RNF213: variants seen among roughly 807,000 people sequenced by gnomAD.
RNF213 encodes E3 ubiquitin-protein ligase RNF213.
A neutral mutation model predicts 514.4 loss-of-function variants in RNF213; 341 were observed. The ratio of observed to expected loss-of-function variants is 0.66; its 90% CI spans 0.61 to 0.73. The LOEUF is 0.73. RNF213 is among the 30% of genes least tolerant of loss of function. The pLI, the probability that RNF213 is intolerant of heterozygous loss-of-function variation, is 0.00. For missense variants in RNF213, 5,767 were observed against 6,615.6 expected (o/e 0.87, Z 4.45); for synonymous variants, 2,655 against 2,658.2 (o/e 1.00, Z 0.04).
chr17:80,313,974 C>A (rs369335570), intron 15 of RNF213, among the ~76,000 whole-genome samples: 2 of 2,446 alleles, frequency 8.2e-4, no homozygotes, highest in African/African-American at 1.5e-3. Flanking sequence ...GGTGGAGGTA[C>A]TGGAGGTGAT....
chr17:80,392,616 T>C (rs182093874), intron 67 of RNF213, among the ~76,000 whole-genome samples: 4 of 151,966 alleles, frequency 2.6e-5, no homozygotes, highest in Admixed American at 1.3e-4. Flanking sequence ...TTTTTTTTTT[T>C]TCTCGCTCTG....
Position 80,390,177 on chromosome 17 carries a change from C to G in RNF213, c.15451C>G (p.Arg5151Gly), listed in dbSNP as rs749636418. The G allele has an allele frequency of 6.2e-7, 1 of 1,614,012 alleles. No individual in the cohort carries two copies. Among genetic ancestry groups the G allele is most frequent in the South Asian group, 1.1e-5 (1 of 91,072 alleles). Residue 5151 changes from arginine to glycine, a missense_variant, in exon 67 of 68, where the codon CGC becomes GGC. Physicochemically the swap from Arg to Gly is moderately radical, Grantham distance 125. Around this residue, in one of 13 missense-constraint regions of RNF213, gnomAD observed 1,245 missense variants for 1,339.0 expected, o/e 0.93. Transcript: ENST00000582970. ...LKNPQTQTEE[R>G]FRPQWSLRDT... ...GAACCCCCAAACCCAAACCGAGGAG[C>G]GCTTCCGCCCTCAGTGGAGGTATGG...
chr17:80,278,374 G>A (rs1234902766), intron 3 of RNF213, among the ~76,000 whole-genome samples: 1 of 152,222 alleles, frequency 6.6e-6, no homozygotes, highest in African/African-American at 2.4e-5. Flanking sequence ...TATACCTTCT[G>A]GGTCGGTCTC....
chr17:80,358,424 T>C lies in RNF213; in HGVS notation c.10999T>C (p.Phe3667Leu), dbSNP rs1208634145. Reference sequence around the variant, plus strand: ...GCCCTGGGCAAGAGATCTTTGGATGTTTATTTTCAGTGACACGATGCTTCT... The same window carrying C: ...GCCCTGGGCAAGAGATCTTTGGATGCTTATTTTCAGTGACACGATGCTTCT... The part of the protein sequence containing the change: ...TPPWARDLWM[F>L]IFSDTMLLNI... The change falls in exon 37 of 68, where the codon TTT (phenylalanine) becomes CTT (leucine). Residue 3667 changes from phenylalanine to leucine, a missense_variant. By Grantham distance (22) the Phe-to-Leu change is conservative. Around this residue, in one of 13 missense-constraint regions of RNF213, gnomAD observed 919 missense variants for 1,121.0 expected, o/e 0.82. Coordinates refer to ENST00000582970, the MANE Select transcript of RNF213 (RefSeq NM_001256071.3). The C allele has an allele frequency of 1.2e-6, 2 of 1,614,178 alleles. No homozygotes were observed. Among genetic ancestry groups the C allele is most frequent in the Non-Finnish European group, 1.7e-6 (2 of 1,180,000 alleles).
intron 37 of RNF213, among the ~76,000 whole-genome samples, chr17:80,359,071 T>C (rs2144335689): frequency 6.6e-6 from 1 of 152,266 alleles, no homozygotes; most frequent in East Asian, 1.9e-4. Context: ...TCCTTACCCC[T>C]GGGATCTGTG....
chr17:80,265,409 T>G (rs2043581279), intron 2 of RNF213, among the ~76,000 whole-genome samples: 1 of 152,208 alleles, frequency 6.6e-6, no homozygotes, highest in South Asian at 2.1e-4. Context: ...CATGAACTGT[T>G]TCTAGAGGCA....
rs2043542550 is a variant in RNF213 at position 80,264,582 on chromosome 17, A to G, written c.97+804A>G. Among the ~76,000 whole-genome samples the G allele has an allele frequency of 6.6e-6, 1 of 151,982 alleles. No individual in the cohort carries two copies. On this transcript the variant is annotated intron_variant, in intron 2 of 67. Coordinates refer to ENST00000582970, the MANE Select transcript of RNF213 (RefSeq NM_001256071.3). The surrounding 1 kb of genome is among the most constrained non-coding windows in gnomAD (Gnocchi z 5.0). ...ACTGGTGAGGGCACCTCATTCTTCC[A>G]GCTGCTTCTATCGGACCCATCACCC...
intron 8 of RNF213, 114 bp downstream of exon 8, chr17:80,291,941 C>T: frequency 8.8e-7 from 1 of 1,131,434 alleles, no homozygotes; most frequent in Non-Finnish European, 1.3e-6. Flanking sequence ...GTGAGGTCCT[C>T]TTTGCTCTGC....
intron 3 of RNF213, among the ~76,000 whole-genome samples, chr17:80,280,457 GT>G (rs1410993092): frequency 1.3e-5 from 2 of 152,124 alleles, no homozygotes; most frequent in African/African-American, 4.8e-5. Context: ...GGTGGGTTTT[GT>G]TTTTGTTTGT....
intron 41 of RNF213, 83 bp from the exon 42 acceptor site, chr17:80,364,350 T>G: frequency 6.2e-7 from 1 of 1,603,320 alleles, no homozygotes; most frequent in Non-Finnish European, 8.5e-7. Flanking sequence ...CCCGCATCTC[T>G]TCTCCCGTCT....
At chr17:80,307,559 G>C (rs1463334102) in intron 13 of RNF213, among the ~76,000 whole-genome samples, 1 of 123,202 alleles carries the variant, frequency 8.1e-6, no homozygotes, top group East Asian at 2.3e-4. Flanking sequence ...TTGTTTGTTT[G>C]TTTTTTTGAG....
chr17:80,363,747 C>G lies in RNF213; in HGVS notation c.11707C>G (p.Gln3903Glu), dbSNP rs774855345. ...GCTCATCTGCTCCGATGAGCACATG[C>G]AAGGCAGCGGGAGCCTGGCCCAGGC... ...LELICSDEHM[Q>E]GSGSLAQAVI... is the part of the protein sequence containing the mutation. Residue 3903 changes from glutamine (Q) to glutamate (E), a missense_variant, in exon 41 of 68, where the codon CAA becomes GAA. Gln to Glu is a conservative substitution (Grantham distance 29). Coordinates refer to ENST00000582970, the MANE Select transcript of RNF213 (RefSeq NM_001256071.3). The G allele has an allele frequency of 1.5e-5, 24 of 1,613,828 alleles. No individual in the cohort carries two copies. The highest frequency in any genetic ancestry group is 1.9e-5 in the Non-Finnish European group (23 of 1,180,008).
Position 80,367,841 on chromosome 17 carries a change from C to G in RNF213, c.11965C>G (p.Leu3989Val). Residue 3989 changes from leucine to valine, a missense_variant, in exon 43 of 68, where the codon CTC becomes GTC. Around this residue, in one of 13 missense-constraint regions of RNF213, gnomAD observed 355 missense variants for 358.0 expected, o/e 0.99. Transcript: ENST00000582970. ...ATGCAAGGAGACAGCCAGCAAGACCCTCAGCAGGTGAGACCTTAGGTTTGG... is the reference window on the plus strand; with the variant it reads ...ATGCAAGGAGACAGCCAGCAAGACCGTCAGCAGGTGAGACCTTAGGTTTGG... ...CECKETASKT[L>V]SRFGIQPCSI... is the part of the protein sequence containing the mutation. 1 of 1,614,238 alleles carries G rather than the reference C, an allele frequency of 6.2e-7. No homozygotes were observed. Among genetic ancestry groups the G allele is most frequent in the Non-Finnish European group, 8.5e-7 (1 of 1,180,030 alleles).
rs750555493 is a variant in RNF213, at chr17:80,350,389, T to C, written c.10177T>C (p.Ser3393Pro). Residue 3393 changes from serine to proline, a missense_variant, in exon 31 of 68, where the codon TCA (serine) becomes CCA (proline). Coordinates refer to ENST00000582970, the MANE Select transcript of RNF213 (RefSeq NM_001256071.3). ...DGIRSAQLIA[S>P]AKYSVINEIN... The stretch of plus-strand genomic sequence containing the variant: ...AATCCGTAGCGCCCAGCTCATTGCC[T>C]CAGCTAAGTATGTTTTTAGTATTTT... 1.9e-5 allele frequency: 31 copies of C among 1,596,840 alleles called. No individual in the cohort carries two copies. The South Asian group carries it at 3.3e-4, about 17-fold the overall frequency.
Position 80,388,633 on chromosome 17 carries a change from A to G in RNF213, c.14944A>G (p.Arg4982Gly). Residue 4982 changes from arginine (R) to glycine (G), a missense_variant, in exon 64 of 68, where the codon AGA becomes GGA. Arg to Gly is a moderately radical substitution (Grantham distance 125). Coordinates refer to ENST00000582970, the MANE Select transcript of RNF213 (RefSeq NM_001256071.3). ...TTAGGGAATACCCACTCTGGTGTAC[A>G]GACACGACTGGAACTATGAACATCT... Reference protein sequence around the residue: ...SLKGIPTLVYRHDWNYEHLFM... With the variant: ...SLKGIPTLVYGHDWNYEHLFM... The G allele has an allele frequency of 6.2e-7, 1 of 1,612,654 alleles. No individual in the cohort carries two copies. The highest frequency in any genetic ancestry group is 8.5e-7 in the Non-Finnish European group (1 of 1,179,006).
chr17:80,357,509 T>A (rs1271902037), intron 36 of RNF213, among the ~76,000 whole-genome samples: 1 of 152,238 alleles, frequency 6.6e-6, no homozygotes. Flanking sequence ...TTGTTTAGTT[T>A]GATCTGGGAC....
chr17:80,364,402 T>A (rs752407315), intron 41 of RNF213, 31 bp from the exon 42 acceptor site: 15 of 1,606,680 alleles, frequency 9.3e-6, no homozygotes, highest in Non-Finnish European at 1.3e-5. Context: ...GGGAGCCGAG[T>A]GAGTGAGTGA....
At chr17:80,359,987 A>C (rs1175266229) in intron 37 of RNF213, 74 bp from the exon 38 acceptor site, 3 of 1,487,042 alleles carry the variant, frequency 2.0e-6, no homozygotes, top group Non-Finnish European at 2.8e-6. Flanking sequence ...AGCTGGCATC[A>C]GTGGCAGATC....
intron 63 of RNF213, among the ~76,000 whole-genome samples, chr17:80,387,241 G>A (rs2080273211): frequency 6.6e-6 from 1 of 152,256 alleles, no homozygotes; most frequent in Non-Finnish European, 1.5e-5. Flanking sequence ...AAATAGCTGA[G>A]ATCACAAGTG....
Sources: gnomAD v4.1 joint callset for allele counts (sites outside exome capture counted in the v4.1 genomes callset) on GRCh38, gnomAD v4.1.1 for gene constraint, gnomAD v4.1.1 regional missense constraint, Gnocchi (gnomAD v3.1) non-coding constraint, MANE v1.5 for transcripts, NCBI Gene and HGNC (gene_info 2026-07-23, HGNC 2026-07-21) for gene names.